The following GIGYF2 variants were observed in gnomAD, a reference collection of about 807,000 sequenced individuals.
GIGYF2 encodes the protein GRB10 interacting GYF protein 2, also known as GRB10-interacting GYF protein 2.
GIGYF2 carries 25 observed loss-of-function variants against 208.1 expected under a neutral mutation model. The ratio of observed to expected loss-of-function variants is 0.12; its 90% CI spans 0.09 to 0.17. GIGYF2 has a LOEUF of 0.17. Ranked by LOEUF, GIGYF2 falls within the 10% of genes least tolerant of loss-of-function variation. GIGYF2 has a pLI of 1.00. For synonymous variants in GIGYF2, 534 were observed against 543.8 expected, an observed-to-expected ratio of 0.98 and a Z score of 0.25; for missense variants, 1,302 against 1,579.4, an observed-to-expected ratio of 0.82 and a Z score of 2.98.
intron 17 of GIGYF2, 115 bp from the exon 18 acceptor site, chr2:232,812,276 G>T: frequency 1.5e-6 from 1 of 652,852 alleles, no homozygotes; most frequent in Non-Finnish European, 2.8e-6. Flanking sequence ...AAGAGTGAAG[G>T]CGTTTTCTAG....
chr2:232,800,111 CTTT>C (rs374996390), intron 14 of GIGYF2, among the ~76,000 whole-genome samples: 1 of 144,084 alleles, frequency 6.9e-6, no homozygotes, highest in Non-Finnish European at 1.5e-5. Context: ...TTGTCATGCA[CTTT>C]TTTTTTTTTA....
At position 232,843,529 on chromosome 2, in the gene GIGYF2, C is replaced by T. The variant is rs545180625; in HGVS notation, c.2890-517C>T. On this transcript the variant is annotated intron_variant, in intron 23 of 28. Coordinates refer to ENST00000373563, the MANE Select transcript of GIGYF2 (RefSeq NM_001103146.3). ...AGTGAGCTGAGATCGTGCCATTGCA[C>T]TCCAGTCTGGGCGACAGAGCGAGAC... is the stretch of plus-strand genomic sequence containing the variant. 9.5e-5 allele frequency among the ~76,000 whole-genome samples: 14 copies of T among 147,456 alleles called. No homozygotes were observed. In the East Asian group the frequency reaches 2.8e-3, roughly 29 times the overall value.
intron 26 of GIGYF2, among the ~76,000 whole-genome samples, chr2:232,846,196 A>AAGTTAAAAAAAGTAACTCTC (rs1444026805): frequency 6.6e-6 from 1 of 152,216 alleles, no homozygotes; most frequent in Non-Finnish European, 1.5e-5. Flanking sequence ...CAGCTATGTC[A>AAGTTAAAAAAAGTAACTCTC]AGTTAAAAAA....
At chr2:232,720,670 C>T (rs1472335911) in intron 2 of GIGYF2, among the ~76,000 whole-genome samples, 1 of 151,800 alleles carries the variant, frequency 6.6e-6, no homozygotes, top group Admixed American at 6.6e-5. Context: ...TCTCAGCTTA[C>T]TGCAACCTCT....
At chr2:232,790,123 T>G (rs1700028034) in intron 9 of GIGYF2, among the ~76,000 whole-genome samples, 1 of 152,162 alleles carries the variant, frequency 6.6e-6, no homozygotes, top group South Asian at 2.1e-4. Flanking sequence ...AAAATCTCTG[T>G]GACAACTTTC....
chr2:232,710,053 G>A (rs1447318776), intron 2 of GIGYF2, among the ~76,000 whole-genome samples: 2 of 152,032 alleles, frequency 1.3e-5, no homozygotes, highest in African/African-American at 4.8e-5. Context: ...TCTGCCTCCC[G>A]GGTTCATGCC....
Position 232,730,538 on chromosome 2 carries a change from AAGGTTGC to A in GIGYF2, c.-43-4614_-43-4608del, listed in dbSNP as rs1186957822. Among the ~76,000 whole-genome samples the A allele has an allele frequency of 8.7e-5, 13 of 150,276 alleles. No homozygotes were observed. The East Asian group carries it at 2.4e-3, about 27-fold the overall frequency. ...GACAATCACTTGAACCTGGGAGACG[AAGGTTGC>A]AGTGAGCCAAGATCATGCCACTGCA... is the stretch of plus-strand genomic sequence containing the variant. On this transcript the variant is annotated intron_variant, in intron 2 of 28. Transcript: ENST00000373563.
Position 232,850,316 on chromosome 2 carries a change from C to G in GIGYF2, c.3739C>G (p.Gln1247Glu). 1 of 1,613,518 alleles carries G rather than the reference C, an allele frequency of 6.2e-7. No homozygotes were observed. The highest frequency in any genetic ancestry group is 8.5e-7 in the Non-Finnish European group (1 of 1,179,532). Residue 1247 changes from glutamine (Q) to glutamate (E), a missense_variant, in exon 28 of 29, where the codon CAA becomes GAA. Physicochemically the swap from Gln to Glu is conservative, Grantham distance 29. Around this residue, in one of 8 missense-constraint regions of GIGYF2, gnomAD observed 701 missense variants for 793.0 expected, o/e 0.88. Coordinates refer to ENST00000373563, the MANE Select transcript of GIGYF2 (RefSeq NM_001103146.3). ...STLHSVFQTNQSNNQQSNFEA... is the reference protein window; with the variant it reads ...STLHSVFQTNESNNQQSNFEA... ...ACTCCATTCAGTATTTCAGACCAAT[C>G]AAAGCAACAACCAACAATCCAATTT...
intron 8 of GIGYF2, among the ~76,000 whole-genome samples, chr2:232,777,619 C>G (rs1248827888): frequency 1.4e-5 from 2 of 143,962 alleles, no homozygotes; most frequent in Non-Finnish European, 3.0e-5. Context: ...TCCGTCCCCC[C>G]CCCGCCCCAC....
intron 2 of GIGYF2, among the ~76,000 whole-genome samples, chr2:232,720,290 C>G (rs1399371143): frequency 6.6e-6 from 1 of 152,154 alleles, no homozygotes; most frequent in East Asian, 1.9e-4. Flanking sequence ...TTTTTTATGG[C>G]TGCATAGTAT....
At chr2:232,807,297 A>C (rs1187824125) in intron 15 of GIGYF2, among the ~76,000 whole-genome samples, 1 of 152,138 alleles carries the variant, frequency 6.6e-6, no homozygotes. Flanking sequence ...GGGAGGCCAG[A>C]GTTAGAGGAT....
chr2:232,791,005 C>T lies in GIGYF2; in HGVS notation c.931-3C>T. On this transcript the variant is annotated splice_region_variant and splice_polypyrimidine_tract_variant and intron_variant, in intron 10 of 28. Transcript: ENST00000373563. The stretch of plus-strand genomic sequence containing the variant: ...GATCTTTGGTTTTATTCTCTTTCTA[C>T]AGAAAGTACAGAAAGAGCCTATTCC... 1 of 1,613,708 alleles carries T rather than the reference C, an allele frequency of 6.2e-7. No homozygotes were observed. The highest frequency in any genetic ancestry group is 8.5e-7 in the Non-Finnish European group (1 of 1,179,664).
chr2:232,710,599 A>C (rs1332852837), intron 2 of GIGYF2, among the ~76,000 whole-genome samples: 1 of 152,170 alleles, frequency 6.6e-6, no homozygotes, highest in Non-Finnish European at 1.5e-5. Context: ...AGTAAAATCC[A>C]AAATGTGAAA....
rs1428737218 is a variant in GIGYF2 at position 232,806,618 on chromosome 2, G to A, written c.1767G>A (p.Arg589=). ...PLGDIMKMWG[R]VPFSPGPAPP... ...GCGATATCATGAAAATGTGGGGAAG[G>A]GTTCCCTTTTCTCCAGGTCCAGCTC... The change falls in exon 15 of 29, where the codon AGG becomes AGA. Residue 589 remains arginine, a synonymous_variant. Transcript: ENST00000373563. The surrounding 1 kb of genome is among the most constrained non-coding windows in gnomAD (Gnocchi z 4.0). 5.6e-6 allele frequency: 9 copies of A among 1,613,192 alleles called. No homozygotes were observed. The highest frequency in any genetic ancestry group is 7.6e-6 in the Non-Finnish European group (9 of 1,179,358).
intron 13 of GIGYF2, 145 bp downstream of exon 13, chr2:232,795,089 C>T: frequency 1.4e-6 from 1 of 708,558 alleles, no homozygotes. Context: ...TTGTACAAGT[C>T]ATTGTCTTTC....
rs12988286 is a variant in GIGYF2 at position 232,836,313 on chromosome 2, T to C, written c.2766+3220T>C. Among the ~76,000 whole-genome samples the C allele has an allele frequency of 5.9e-4, 14 of 23,612 alleles. 1 individual carries two copies. The highest frequency in any genetic ancestry group is 2.4e-3 in the Admixed American group (4 of 1,638). 15.5% of individuals were successfully genotyped at this position (23,612 alleles called of 152,430 possible). On this transcript the variant is annotated intron_variant, in intron 22 of 28. Coordinates refer to ENST00000373563, the MANE Select transcript of GIGYF2 (RefSeq NM_001103146.3). ...ATATATATATATATATATATATATATATATATATATATATATACATATATA... is the reference window on the plus strand; with the variant it reads ...ATATATATATATATATATATATATACATATATATATATATATACATATATA...
intron 2 of GIGYF2, among the ~76,000 whole-genome samples, chr2:232,716,374 G>GTT (rs397988241): frequency 3.0e-3 from 304 of 100,252 alleles, no homozygotes; most frequent in Middle Eastern, 6.0e-3. Context: ...GGTGTTATTT[G>GTT]TTTTTTTTTT....
At chr2:232,711,756 A>G (rs1696422984) in intron 2 of GIGYF2, among the ~76,000 whole-genome samples, 1 of 142,188 alleles carries the variant, frequency 7.0e-6, no homozygotes, top group Non-Finnish European at 1.5e-5. Context: ...TAGCTTTTAC[A>G]GATAATTGCA....
At chr2:232,721,439 C>G (rs1156604787) in intron 2 of GIGYF2, among the ~76,000 whole-genome samples, 1 of 152,208 alleles carries the variant, frequency 6.6e-6, no homozygotes, top group African/African-American at 2.4e-5. Context: ...CCCTGGTAAT[C>G]TTACCTTTCC....
Sources: gnomAD v4.1 joint callset for allele counts (sites outside exome capture counted in the v4.1 genomes callset) on GRCh38, gnomAD v4.1.1 for gene constraint, gnomAD v4.1.1 regional missense constraint, Gnocchi (gnomAD v3.1) non-coding constraint, MANE v1.5 for transcripts, NCBI Gene and HGNC (gene_info 2026-07-23, HGNC 2026-07-21) for gene names.